DNAH14: variants seen among roughly 807,000 people sequenced by gnomAD.
DNAH14 encodes the protein axonemal beta dynein heavy chain 14.
In DNAH14, 478 loss-of-function variants were observed where a neutral mutation model predicts 520.9. That is an observed-to-expected ratio of 0.92 (90% CI 0.85 to 0.99). The LOEUF (loss-of-function observed/expected upper bound fraction) is 0.99, where lower values mean the gene tolerates loss of function less well. Among genes scored for constraint, DNAH14 ranks in the 50% least tolerant of loss-of-function variants. DNAH14 has a pLI of 0.00. For missense variants in DNAH14, 4,831 were observed against 5,234.5 expected, an observed-to-expected ratio of 0.92 and a Z score of 2.38; for synonymous variants, 1,581 against 1,757.2, an observed-to-expected ratio of 0.90 and a Z score of 2.51.
At chr1:225,282,638 G>A (rs1191849546) in intron 54 of DNAH14, among the ~76,000 whole-genome samples, 3 of 152,248 alleles carry the variant, frequency 2.0e-5, no homozygotes, top group Non-Finnish European at 4.4e-5. Context: ...TTACATAAGG[G>A]AATCTCAGGA....
chr1:225,369,223 A>G (rs1320347918), intron 77 of DNAH14, among the ~76,000 whole-genome samples: 2 of 152,172 alleles, frequency 1.3e-5, no homozygotes, highest in African/African-American at 4.8e-5. Flanking sequence ...AATAACGTAA[A>G]GCAATATGGA....
At chr1:225,338,310 C>T (rs2095104780) in intron 68 of DNAH14, 128 bp downstream of exon 68, 2 of 1,248,812 alleles carry the variant, frequency 1.6e-6, no homozygotes, top group Non-Finnish European at 1.1e-6. Flanking sequence ...TTGGAATATT[C>T]TTTTTGTTTT....
chr1:225,244,200 A>G (rs1398144526), intron 43 of DNAH14, among the ~76,000 whole-genome samples: 2 of 152,188 alleles, frequency 1.3e-5, no homozygotes, highest in East Asian at 3.8e-4. Flanking sequence ...CCAGGGATGA[A>G]GCCAACTTGA....
intron 36 of DNAH14, among the ~76,000 whole-genome samples, chr1:225,179,630 G>A (rs1184375496): frequency 6.6e-6 from 1 of 152,090 alleles, no homozygotes; most frequent in Non-Finnish European, 1.5e-5. Flanking sequence ...TCATGTTAAA[G>A]ATATGAGTAT....
intron 73 of DNAH14, chr1:225,354,268 T>G (rs908963833): frequency 1.3e-5 from 9 of 701,756 alleles, no homozygotes; most frequent in Non-Finnish European, 2.3e-5. Flanking sequence ...GCACTGCTTG[T>G]GACAGGTAAG....
At chr1:225,319,913 G>A (rs149342294) in intron 61 of DNAH14, among the ~76,000 whole-genome samples, 2,086 of 152,250 alleles carry the variant, frequency 0.014, 46 homozygotes, top group African/African-American at 0.048. Context: ...TTCAGGAACT[G>A]CAAAAGACCA....
chr1:225,233,777 GC>G (rs1181481015), intron 42 of DNAH14, among the ~76,000 whole-genome samples: 18 of 152,054 alleles, frequency 1.2e-4, no homozygotes, highest in Admixed American at 1.1e-3. Flanking sequence ...CTGTGCAGAT[GC>G]TCTTTAGTTT....
intron 4 of DNAH14, chr1:224,961,340 T>C (rs1165204362): frequency 6.6e-6 from 1 of 152,164 alleles, no homozygotes; most frequent in Non-Finnish European, 1.5e-5. Flanking sequence ...GTATGTTGTT[T>C]GAAGCCACTA....
In DNAH14 at chr1:224,955,042, T is replaced by C. The variant is rs1445266422; in HGVS notation, c.161T>C (p.Leu54Ser). 2 of 1,611,736 alleles carry C rather than the reference T, an allele frequency of 1.2e-6. No individual in the cohort carries two copies. Among genetic ancestry groups the C allele is most frequent in the Admixed American group, 3.3e-5 (2 of 59,882 alleles). The change falls in exon 3 of 86, where the codon TTG becomes TCG. Residue 54 changes from leucine (L) to serine (S), a missense_variant. By Grantham distance (145) the Leu-to-Ser change is moderately radical. Transcript: ENST00000682510. ...QPAEIAEKET[L>S]EYKTVRTFSE... Reference sequence around the variant, plus strand: ...GCTGAAATAGCAGAAAAGGAAACATTGGAATATAAAACAGTTAGAACATTC... The same window carrying C: ...GCTGAAATAGCAGAAAAGGAAACATCGGAATATAAAACAGTTAGAACATTC...
In DNAH14 at chr1:225,177,431, T is replaced by C. The variant is rs545433106; in HGVS notation, c.5536-7860T>C. Reference sequence around the variant, plus strand: ...AGAAATCCAAGCCAGCTGCAGAAATTTGCATAAGTAATGAGGATCCAAATG... The same window carrying C: ...AGAAATCCAAGCCAGCTGCAGAAATCTGCATAAGTAATGAGGATCCAAATG... On this transcript the variant is annotated intron_variant, in intron 36 of 85. Transcript: ENST00000682510. Among the ~76,000 whole-genome samples the C allele has an allele frequency of 3.5e-3, 534 of 152,274 alleles. 4 individuals carry two copies. The highest frequency in any genetic ancestry group is 0.012 in the African/African-American group (517 of 41,548).
intron 15 of DNAH14, among the ~76,000 whole-genome samples, chr1:225,048,224 T>C (rs1383259732): frequency 6.6e-6 from 1 of 152,144 alleles, no homozygotes; most frequent in Admixed American, 6.5e-5. Context: ...ATGTTGGCCA[T>C]GTACAGAGGT....
chr1:225,324,756 T>C lies in DNAH14; in HGVS notation c.9647T>C (p.Ile3216Thr). The C allele has an allele frequency of 1.3e-6, 2 of 1,551,454 alleles. No homozygotes were observed. The highest frequency in any genetic ancestry group is 1.7e-6 in the Non-Finnish European group (2 of 1,146,896). The change falls in exon 64 of 86, where the codon ATC becomes ACC. Residue 3216 changes from isoleucine (I) to threonine (T), a missense_variant. Physicochemically the swap from Ile to Thr is moderately conservative, Grantham distance 89 (BLOSUM62 -1). Coordinates refer to ENST00000682510, the MANE Select transcript of DNAH14 (RefSeq NM_001367479.1). ...EVQKVVGPKQ[I>T]QVAEAQNVLK... ...TTTAAGGTTGTGGGCCCTAAACAAA[T>C]CCAAGTAGCTGAAGCTCAAAACGTC...
chr1:225,370,306 A>C (rs192352278), intron 77 of DNAH14, among the ~76,000 whole-genome samples: 27 of 151,004 alleles, frequency 1.8e-4, no homozygotes, highest in Admixed American at 3.3e-4. Flanking sequence ...AACAAACAAA[A>C]AAAACACGGG....
At chr1:225,153,497 A>G (rs1174573584) in intron 33 of DNAH14, among the ~76,000 whole-genome samples, 1 of 152,152 alleles carries the variant, frequency 6.6e-6, no homozygotes, top group East Asian at 1.9e-4. Context: ...TCTAGTTCAG[A>G]GAAAACTTAA....
At chr1:225,010,196 G>A (rs1403615390) in intron 10 of DNAH14, among the ~76,000 whole-genome samples, 2 of 152,138 alleles carry the variant, frequency 1.3e-5, no homozygotes, top group Non-Finnish European at 2.9e-5. Flanking sequence ...AATGCTTCCA[G>A]CTTTTGCCTG....
At chr1:225,104,754 T>C (rs2075861362) in intron 23 of DNAH14, among the ~76,000 whole-genome samples, 1 of 152,282 alleles carries the variant, frequency 6.6e-6, no homozygotes, top group Admixed American at 6.5e-5. Flanking sequence ...TTTTTTATTG[T>C]GTCTATTTGA....
Position 225,215,854 on chromosome 1 carries a change from G to T in DNAH14, c.6439+8634G>T, listed in dbSNP as rs1007759731. On this transcript the variant is annotated intron_variant, in intron 41 of 85. Coordinates refer to ENST00000682510, the MANE Select transcript of DNAH14 (RefSeq NM_001367479.1). ...TGGGTCTTGACTCTTTATCCAATTT[G>T]CCAGTCTCTGTCTTTTAATTCAAGC... Among the ~76,000 whole-genome samples, 12 of 152,078 alleles carry T rather than the reference G, an allele frequency of 7.9e-5. No homozygotes were observed. In the South Asian group the frequency reaches 1.0e-3, roughly 13 times the overall value.
intron 8 of DNAH14, among the ~76,000 whole-genome samples, chr1:224,981,996 G>A (rs1330168257): frequency 6.6e-6 from 1 of 152,136 alleles, no homozygotes; most frequent in Non-Finnish European, 1.5e-5. Context: ...AGGTCATAGG[G>A]TAAATACTAG....
At chr1:225,030,107 G>A (rs574574470) in intron 11 of DNAH14, among the ~76,000 whole-genome samples, 2 of 151,948 alleles carry the variant, frequency 1.3e-5, no homozygotes, top group African/African-American at 4.8e-5. Context: ...TTTGGGAAAG[G>A]TCACAAATAT....
Sources: gnomAD v4.1 joint callset for allele counts (sites outside exome capture counted in the v4.1 genomes callset) on GRCh38, gnomAD v4.1.1 for gene constraint, MANE v1.5 for transcripts, NCBI Gene and HGNC (gene_info 2026-07-23, HGNC 2026-07-21) for gene names.